The following PDZRN3 variants were observed in gnomAD, a reference collection of about 807,000 sequenced individuals.
PDZRN3 encodes E3 ubiquitin-protein ligase PDZRN3.
In PDZRN3, 38 loss-of-function variants were observed where a neutral mutation model predicts 85.7. The observed-to-expected ratio is 0.44, with a 90% CI of 0.34 to 0.58. The LOEUF is 0.58. PDZRN3 is among the 20% of genes least tolerant of loss of function. The probability of loss-of-function intolerance (pLI) is 0.01; values close to 1 mark genes in which losing one functional copy is unlikely to be tolerated. For missense variants in PDZRN3, 1,629 were observed against 1,506.4 expected, an observed-to-expected ratio of 1.08 and a Z score of -1.35; for synonymous variants, 759 against 638.0, an observed-to-expected ratio of 1.19 and a Z score of -2.86.
intron 3 of PDZRN3, among the ~76,000 whole-genome samples, chr3:73,589,566 T>C (rs756736725): frequency 6.6e-6 from 1 of 152,236 alleles, no homozygotes; most frequent in Non-Finnish European, 1.5e-5. Flanking sequence ...TGAATTTCAC[T>C]TGTAAGATTT....
At position 73,383,934 on chromosome 3, in the gene PDZRN3, G is replaced by C; in HGVS notation, c.2632C>G (p.Gln878Glu). The C allele has an allele frequency of 6.2e-7, 1 of 1,607,830 alleles. No homozygotes were observed. The highest frequency in any genetic ancestry group is 8.5e-7 in the Non-Finnish European group (1 of 1,177,374). Reference sequence around the variant, plus strand: ...AGCTGCATGTAGCTCTGGTAGTGCTGGGCGTGCGCCGGGATGTGCGCGTGC... The same window carrying C: ...AGCTGCATGTAGCTCTGGTAGTGCTCGGCGTGCGCCGGGATGTGCGCGTGC... ...YKHAHIPAHA[Q>E]HYQSYMQLIQ... Residue 878 changes from glutamine to glutamate, a missense_variant, in exon 10 of 10, where the codon CAG becomes GAG. By Grantham distance (29) the Gln-to-Glu change is conservative. Coordinates refer to ENST00000263666, the MANE Select transcript of PDZRN3 (RefSeq NM_015009.3).
At position 73,384,838 on chromosome 3, in the gene PDZRN3, C is replaced by T. The variant is rs759959008; in HGVS notation, c.1728G>A (p.Glu576=). The change falls in exon 10 of 10, where the codon GAG becomes GAA. Residue 576 remains glutamate, a synonymous_variant. Coordinates refer to ENST00000263666, the MANE Select transcript of PDZRN3 (RefSeq NM_015009.3). ...EKDSGVGRTD[E]STRNDESSEQ... is the part of the protein sequence containing the mutation. ...CCGAGCTCTCGTCATTACGGGTGCT[C>T]TCGTCGGTCCGCCCCACACCGCTGT... The T allele has an allele frequency of 1.2e-6, 2 of 1,614,186 alleles. No individual in the cohort carries two copies. Among genetic ancestry groups the T allele is most frequent in the African/African-American group, 1.3e-5 (1 of 75,072 alleles).
In PDZRN3 at chr3:73,587,135, TTCAAAC is replaced by T. The variant is rs1187249244; in HGVS notation, c.918+15213_918+15218del. ...GCCCTATCCTCCAAAGCAGAATGTT[TTCAAAC>T]TGTGGGCCACTGCCCTTTAGTGAGC... On this transcript the variant is annotated intron_variant, in intron 3 of 9. Transcript: ENST00000263666. Among the ~76,000 whole-genome samples the T allele has an allele frequency of 5.3e-5, 8 of 152,320 alleles. No individual in the cohort carries two copies. In the South Asian group the frequency reaches 8.3e-4, roughly 16 times the overall value.
At chr3:73,482,440 C>T (rs1435454781) in intron 3 of PDZRN3, among the ~76,000 whole-genome samples, 1 of 152,142 alleles carries the variant, frequency 6.6e-6, no homozygotes, top group Non-Finnish European at 1.5e-5. Flanking sequence ...ATAGACACAA[C>T]CTCTCCTACG....
At chr3:73,489,381 T>G (rs924850428) in intron 3 of PDZRN3, among the ~76,000 whole-genome samples, 1 of 152,152 alleles carries the variant, frequency 6.6e-6, no homozygotes, top group Admixed American at 6.5e-5. Flanking sequence ...CTGATCCTGT[T>G]TAGCACTGTA....
At chr3:73,440,975 G>A (rs933623255) in intron 3 of PDZRN3, among the ~76,000 whole-genome samples, 1 of 152,248 alleles carries the variant, frequency 6.6e-6, no homozygotes, top group Non-Finnish European at 1.5e-5. Context: ...TCACAAACCA[G>A]GGGCGGAAAG....
intron 3 of PDZRN3, among the ~76,000 whole-genome samples, chr3:73,494,070 T>G (rs78738866): frequency 0.013 from 1,915 of 152,336 alleles, 98 homozygotes; most frequent in Admixed American, 0.091. Flanking sequence ...AGCCAATGAA[T>G]TGTCATTTGC....
intron 3 of PDZRN3, among the ~76,000 whole-genome samples, chr3:73,470,742 A>C (rs1703320831): frequency 6.6e-6 from 1 of 152,212 alleles, no homozygotes; most frequent in African/African-American, 2.4e-5. Flanking sequence ...TGAAATGGTT[A>C]ACTCAAGTCT....
intron 3 of PDZRN3, chr3:73,404,641 T>C (rs556777091): frequency 4.4e-6 from 2 of 457,124 alleles, no homozygotes; most frequent in East Asian, 3.7e-5. Context: ...AGCTTCCCCG[T>C]GGAATGTCTT....
rs115704157 is a variant in PDZRN3 at position 73,509,825 on chromosome 3, G to A, written c.918+92529C>T. Among the ~76,000 whole-genome samples the A allele has an allele frequency of 3.4e-3, 525 of 152,274 alleles. 4 individuals are homozygous for A. The highest frequency in any genetic ancestry group is 0.012 in the African/African-American group (498 of 41,558). On this transcript the variant is annotated intron_variant, in intron 3 of 9. Coordinates refer to ENST00000263666, the MANE Select transcript of PDZRN3 (RefSeq NM_015009.3). ...AACTTCCTGCCTTGAATCCTGGCAC[G>A]GGCGGGCGGCTCTTCTCTGTGACTT...
chr3:73,484,213 G>A (rs999898532), intron 3 of PDZRN3, among the ~76,000 whole-genome samples: 11 of 152,146 alleles, frequency 7.2e-5, no homozygotes, highest in Non-Finnish European at 1.6e-4. Flanking sequence ...GACTGGAAAG[G>A]CAAAGAGGAG....
At chr3:73,419,082 C>A (rs1702148044) in intron 3 of PDZRN3, among the ~76,000 whole-genome samples, 1 of 152,076 alleles carries the variant, frequency 6.6e-6, no homozygotes, top group African/African-American at 2.4e-5. Flanking sequence ...AAACCTGCAG[C>A]ATTTTGTAAG....
chr3:73,420,295 G>A (rs1702173223), intron 3 of PDZRN3, among the ~76,000 whole-genome samples: 1 of 152,216 alleles, frequency 6.6e-6, no homozygotes, highest in Non-Finnish European at 1.5e-5. Flanking sequence ...CACCCCAAGT[G>A]CTGGCTGCGC....
chr3:73,613,757 G>C (rs1702718008), intron 1 of PDZRN3, among the ~76,000 whole-genome samples: 1 of 152,094 alleles, frequency 6.6e-6, no homozygotes. Context: ...CAGAAGGGCA[G>C]TTCTGGTCAT....
At position 73,384,651 on chromosome 3, in the gene PDZRN3, G is replaced by A. The variant is rs1701318781; in HGVS notation, c.1915C>T (p.Pro639Ser). The A allele has an allele frequency of 6.2e-7, 1 of 1,613,790 alleles. No homozygotes were observed. Among genetic ancestry groups the A allele is most frequent in the Admixed American group, 1.7e-5 (1 of 60,014 alleles). Residue 639 changes from proline (P) to serine (S), a missense_variant, in exon 10 of 10, where the codon CCG (proline) becomes TCG (serine). Transcript: ENST00000263666. ...CGGAAGCGCTCGCACTCGTCCACCG[G>A]GATCCCCAGGTAGTCGGCGTCCGTG... is the stretch of plus-strand genomic sequence containing the variant. ...DCTDADYLGI[P>S]VDECERFREL...
intron 3 of PDZRN3, among the ~76,000 whole-genome samples, chr3:73,463,010 T>G (rs1279383965): frequency 6.6e-6 from 1 of 152,190 alleles, no homozygotes; most frequent in Non-Finnish European, 1.5e-5. Flanking sequence ...GACTGCTTAC[T>G]ATTAAGACCA....
At chr3:73,416,253 G>A (rs982438212) in intron 3 of PDZRN3, among the ~76,000 whole-genome samples, 30 of 152,038 alleles carry the variant, frequency 2.0e-4, no homozygotes, top group African/African-American at 7.0e-4. Flanking sequence ...AGTAGTTTGG[G>A]AGCTTGAACT....
intron 3 of PDZRN3, among the ~76,000 whole-genome samples, chr3:73,468,243 A>G (rs963327018): frequency 1.3e-5 from 2 of 152,164 alleles, no homozygotes; most frequent in East Asian, 3.9e-4. Flanking sequence ...CCATGAGCCA[A>G]GAAATGTGGG....
intron 3 of PDZRN3, among the ~76,000 whole-genome samples, chr3:73,436,810 G>A (rs1384918905): frequency 6.6e-6 from 1 of 152,090 alleles, no homozygotes; most frequent in Non-Finnish European, 1.5e-5. Context: ...CACTTTGGGA[G>A]GCTGAGGTGG....
Sources: allele counts gnomAD v4.1 joint callset (sites outside exome capture counted in the v4.1 genomes callset), GRCh38; gene constraint gnomAD v4.1.1; transcripts MANE v1.5; gene names NCBI Gene and HGNC (gene_info 2026-07-23, HGNC 2026-07-21).